The following KIF26B variants were observed in gnomAD, a reference collection of about 807,000 sequenced individuals.
KIF26B encodes kinesin-like protein KIF26B.
In KIF26B, 63 loss-of-function variants were observed where a neutral mutation model predicts 151.2. That is an observed-to-expected ratio of 0.42 (90% CI 0.34 to 0.51). The LOEUF (loss-of-function observed/expected upper bound fraction) is 0.51. KIF26B is among the 20% of genes least tolerant of loss of function. The pLI is 0.07. For missense variants in KIF26B, 2,813 were observed against 2,913.6 expected (o/e 0.97, Z 0.79); for synonymous variants, 1,357 against 1,262.1 (o/e 1.08, Z -1.59).
At chr1:245,197,046 A>G (rs572917156) in intron 2 of KIF26B, among the ~76,000 whole-genome samples, 133 of 152,328 alleles carry the variant, frequency 8.7e-4, no homozygotes, top group African/African-American at 3.0e-3. Context: ...AAGTGCGTCG[A>G]GCCACTCAGA....
At chr1:245,330,822 T>TCGGGGGAGAGG (rs1482393610) in intron 2 of KIF26B, among the ~76,000 whole-genome samples, 9 of 25,276 alleles carry the variant, frequency 3.6e-4, no homozygotes, top group Admixed American at 1.5e-3. Flanking sequence ...CGGGGGAGAG[T>TCGGGGGAGAGG]CGGGGAGGGA....
chr1:245,700,898 C>A (rs1466684742), intron 14 of KIF26B, among the ~76,000 whole-genome samples: 2 of 152,244 alleles, frequency 1.3e-5, no homozygotes, highest in Non-Finnish European at 2.9e-5. Flanking sequence ...AATCCCTGGC[C>A]ACTTCAAGAT....
chr1:245,639,460 A>G (rs563554863), intron 9 of KIF26B, among the ~76,000 whole-genome samples: 13 of 151,694 alleles, frequency 8.6e-5, no homozygotes, highest in Admixed American at 3.3e-4. Context: ...TTTTAGTCTC[A>G]ATTTCATTTA....
intron 6 of KIF26B, among the ~76,000 whole-genome samples, chr1:245,604,070 TC>T (rs1378389882): frequency 6.6e-6 from 1 of 152,162 alleles, no homozygotes; most frequent in East Asian, 1.9e-4. Context: ...CAGCACCTGT[TC>T]CTTCAGGGGA....
At chr1:245,338,984 G>GTTT (rs200327162) in intron 2 of KIF26B, among the ~76,000 whole-genome samples, 14 of 140,976 alleles carry the variant, frequency 9.9e-5, no homozygotes, top group African/African-American at 2.8e-4. Flanking sequence ...TGCTTTTAGG[G>GTTT]TTTTTTTTTT....
chr1:245,347,818 T>C (rs997351856), intron 2 of KIF26B, among the ~76,000 whole-genome samples: 6 of 152,264 alleles, frequency 3.9e-5, no homozygotes, highest in African/African-American at 1.4e-4. Context: ...AATTGTAATC[T>C]GATCATTATA....
intron 2 of KIF26B, among the ~76,000 whole-genome samples, chr1:245,210,115 C>T (rs552139476): frequency 9.8e-5 from 15 of 152,352 alleles, no homozygotes; most frequent in African/African-American, 3.6e-4. Flanking sequence ...ACAGGCTCCA[C>T]CCCTCTGGGA....
chr1:245,338,969 A>C (rs1007818396), intron 2 of KIF26B, among the ~76,000 whole-genome samples: 1 of 133,634 alleles, frequency 7.5e-6, no homozygotes, highest in Admixed American at 8.0e-5. Context: ...CATAGGGTAG[A>C]ATTTTGCTTT....
chr1:245,704,533 G>GCAAA lies in KIF26B; in HGVS notation c.*1930_*1933dup, dbSNP rs1161924058. ...TAAGAGTCTGCTTCTATGCAAAGGTGCAAACAGGAGACATGCCCAAATCTG... is the reference window on the plus strand; with the variant it reads ...TAAGAGTCTGCTTCTATGCAAAGGTGCAAACAAACAGGAGACATGCCCAAATCTG... On this transcript the variant is annotated 3_prime_UTR_variant, in exon 15 of 15. Transcript: ENST00000407071. 5 of 152,234 alleles carry GCAAA rather than the reference G, an allele frequency of 3.3e-5. No homozygotes were observed. The highest frequency in any genetic ancestry group is 1.2e-4 in the African/African-American group (5 of 41,444). The allele number at this position is 152,234 out of a possible 1,614,324, so 9.4% of individuals were successfully genotyped here. A position where few individuals can be genotyped will look rare whatever the true frequency, so the allele number is the denominator to read the frequency against.
At chr1:245,442,643 T>G (rs561762113) in intron 4 of KIF26B, among the ~76,000 whole-genome samples, 2 of 142,990 alleles carry the variant, frequency 1.4e-5, no homozygotes, top group East Asian at 4.0e-4. Context: ...GCAGCAGAGG[T>G]GAGCGGTCAT....
rs927899363 is a variant in KIF26B, at chr1:245,496,125, G to T, written c.1167-44642G>T. ...AGAAATGCAGGAAGGAATGAAAGCT[G>T]ACAGAAAGGGTCAACATGTGGTTAA... On this transcript the variant is annotated intron_variant, in intron 4 of 14. Transcript: ENST00000407071. 2.1e-4 allele frequency among the ~76,000 whole-genome samples: 32 copies of T among 152,216 alleles called. 1 individual carries two copies. Among genetic ancestry groups the T allele is most frequent in the African/African-American group, 7.7e-4 (32 of 41,460 alleles).
chr1:245,351,348 G>A (rs1672565292), intron 2 of KIF26B, among the ~76,000 whole-genome samples: 1 of 152,148 alleles, frequency 6.6e-6, no homozygotes, highest in South Asian at 2.1e-4. Flanking sequence ...TGAGAAGTGT[G>A]TGGCTTCTTC....
intron 4 of KIF26B, among the ~76,000 whole-genome samples, chr1:245,471,047 C>T (rs564940378): frequency 2.0e-5 from 3 of 151,522 alleles, no homozygotes; most frequent in Admixed American, 6.6e-5. Flanking sequence ...CATTTATTGT[C>T]GTATATTCAA....
rs2042993595 is a variant in KIF26B, at chr1:245,564,844, C to G, written c.1350+23894C>G. ...TCTCAAGGAGCGTGCAACCTAGACC[C>G]CCACATGCACAGCTCACAATAGGGT... On this transcript the variant is annotated intron_variant, in intron 5 of 14. Transcript: ENST00000407071. The surrounding 1 kb of genome is among the most constrained non-coding windows in gnomAD (Gnocchi z 4.6). Among the ~76,000 whole-genome samples the G allele has an allele frequency of 6.6e-6, 1 of 152,158 alleles. No individual in the cohort carries two copies. Among genetic ancestry groups the G allele is most frequent in the Non-Finnish European group, 1.5e-5 (1 of 68,028 alleles).
At chr1:245,469,783 T>G (rs1659871539) in intron 4 of KIF26B, among the ~76,000 whole-genome samples, 1 of 152,200 alleles carries the variant, frequency 6.6e-6, no homozygotes, top group South Asian at 2.1e-4. Context: ...TAGAGCCCTA[T>G]TGCAACACAT....
Position 245,703,142 on chromosome 1 carries a change from T to TC in KIF26B, c.*537dup, listed in dbSNP as rs2044795814. 1 of 152,986 alleles carries TC rather than the reference T, an allele frequency of 6.5e-6. No homozygotes were observed. The highest frequency in any genetic ancestry group is 2.1e-4 in the South Asian group (1 of 4,834). 9.5% of individuals were successfully genotyped at this position (152,986 alleles called of 1,614,324 possible). A position where few individuals can be genotyped will look rare whatever the true frequency, so the allele number is the denominator to read the frequency against. ...TTGGAAATGTATTCACAGCTCTTTT[T>TC]CTCTTGGTGTTTTATCCTATTTCTG... is the stretch of plus-strand genomic sequence containing the variant. On this transcript the variant is annotated 3_prime_UTR_variant, in exon 15 of 15. Coordinates refer to ENST00000407071, the MANE Select transcript of KIF26B (RefSeq NM_018012.4).
chr1:245,336,359 C>T (rs2102993676), intron 2 of KIF26B, among the ~76,000 whole-genome samples: 2 of 152,242 alleles, frequency 1.3e-5, no homozygotes, highest in South Asian at 4.1e-4. Context: ...TGCAGGAGAC[C>T]CGCTTGTAGG....
At chr1:245,383,673 T>A (rs1391077731) in intron 3 of KIF26B, among the ~76,000 whole-genome samples, 1 of 152,190 alleles carries the variant, frequency 6.6e-6, no homozygotes, top group African/African-American at 2.4e-5. Flanking sequence ...GCAGCCTCTT[T>A]GATGAGTCCA....
In KIF26B at chr1:245,254,811, C is replaced by A. The variant is rs541162631; in HGVS notation, c.465+98128C>A. ...ATGCAGGCAGCTATTCTTGTGTGGG[C>A]TTTTGCCATGCCTGTTTCAGGTTTG... On this transcript the variant is annotated intron_variant, in intron 2 of 14. Coordinates refer to ENST00000407071, the MANE Select transcript of KIF26B (RefSeq NM_018012.4). 2.0e-5 allele frequency among the ~76,000 whole-genome samples: 3 copies of A among 152,290 alleles called. No homozygotes were observed. In the South Asian group the frequency reaches 6.2e-4, roughly 32 times the overall value.
Sources: allele counts gnomAD v4.1 joint callset (sites outside exome capture counted in the v4.1 genomes callset), GRCh38; gene constraint gnomAD v4.1.1; non-coding constraint Gnocchi (gnomAD v3.1); transcripts MANE v1.5; gene names NCBI Gene and HGNC (gene_info 2026-07-23, HGNC 2026-07-21).